The following CDYL2 variants were observed in gnomAD, a reference collection of about 807,000 sequenced individuals.
CDYL2 encodes the protein chromodomain Y-like protein 2.
CDYL2 carries 23 observed loss-of-function variants against 49.4 expected under a neutral mutation model. The ratio of observed to expected loss-of-function variants is 0.47; its 90% CI spans 0.34 to 0.66. CDYL2 has a LOEUF of 0.66. CDYL2 is among the 30% of genes least tolerant of loss of function. The pLI is 0.01. For synonymous variants in CDYL2, 360 were observed against 268.8 expected, an observed-to-expected ratio of 1.34 and a Z score of -3.32; for missense variants, 678 against 656.4, an observed-to-expected ratio of 1.03 and a Z score of -0.36.
intron 1 of CDYL2, among the ~76,000 whole-genome samples, chr16:80,739,669 C>CCACACCAGCCCATGGAACAAGA (rs779092249): frequency 1.6e-4 from 25 of 152,154 alleles, no homozygotes; most frequent in Non-Finnish European, 2.9e-4. Flanking sequence ...ACACCGCCAC[C>CCACACCAGCCCATGGAACAAGA]CACACCAGCC....
At chr16:80,764,741 C>T (rs1306371265) in intron 1 of CDYL2, among the ~76,000 whole-genome samples, 1 of 152,100 alleles carries the variant, frequency 6.6e-6, no homozygotes, top group East Asian at 1.9e-4. Context: ...TCTGGGTCAA[C>T]TGACTGATAA....
At chr16:80,712,183 CTG>C (rs1242735654) in intron 1 of CDYL2, among the ~76,000 whole-genome samples, 33 of 27,558 alleles carry the variant, frequency 1.2e-3, no homozygotes, top group African/African-American at 4.2e-3. Context: ...GTCTTTGTGT[CTG>C]TGTGTGTATA....
intron 2 of CDYL2, among the ~76,000 whole-genome samples, chr16:80,661,414 T>C (rs1909039632): frequency 1.3e-5 from 2 of 152,206 alleles, no homozygotes; most frequent in Non-Finnish European, 1.5e-5. Flanking sequence ...AACTATGCAA[T>C]ACTCACAAGT....
rs1906589443 is a variant in CDYL2, at chr16:80,763,149, A to C, written c.24+41001T>G. The stretch of plus-strand genomic sequence containing the variant: ...TGCCACTGCACTCCAGCAGGAACCT[A>C]ACTAATCCTGTATTCCCACCAGAAG... On this transcript the variant is annotated intron_variant, in intron 1 of 6. Transcript: ENST00000570137. Among the ~76,000 whole-genome samples, 12 of 150,306 alleles carry C rather than the reference A, an allele frequency of 8.0e-5. 1 individual carries two copies. The South Asian group carries it at 2.3e-3, about 29-fold the overall frequency.
intron 1 of CDYL2, among the ~76,000 whole-genome samples, chr16:80,760,128 G>A (rs1906475994): frequency 6.6e-6 from 1 of 152,182 alleles, no homozygotes; most frequent in South Asian, 2.1e-4. Flanking sequence ...TAGACTAGCA[G>A]GCTGCTTTCA....
chr16:80,744,259 T>A (rs927786593), intron 1 of CDYL2, among the ~76,000 whole-genome samples: 1 of 152,160 alleles, frequency 6.6e-6, no homozygotes, highest in Admixed American at 6.6e-5. Context: ...TGTGTACTGC[T>A]GACATCCTGC....
chr16:80,620,166 G>C (rs1184038423), intron 4 of CDYL2, among the ~76,000 whole-genome samples: 1 of 152,198 alleles, frequency 6.6e-6, no homozygotes, highest in Non-Finnish European at 1.5e-5. Context: ...TAAAGAATGG[G>C]GAAATAACTA....
intron 1 of CDYL2, among the ~76,000 whole-genome samples, chr16:80,724,228 A>AG (rs1386581410): frequency 6.8e-6 from 1 of 146,024 alleles, no homozygotes; most frequent in Non-Finnish European, 1.5e-5. Context: ...GAGGAAGAGG[A>AG]GGGGGAGAAA....
At chr16:80,649,406 T>C (rs1027758914) in intron 2 of CDYL2, among the ~76,000 whole-genome samples, 2 of 152,076 alleles carry the variant, frequency 1.3e-5, no homozygotes, top group Non-Finnish European at 2.9e-5. Context: ...TAAAATTAAA[T>C]ACCTAGGAAT....
intron 1 of CDYL2, among the ~76,000 whole-genome samples, chr16:80,798,539 A>G (rs1162691406): frequency 6.6e-6 from 1 of 152,214 alleles, no homozygotes; most frequent in Non-Finnish European, 1.5e-5. Flanking sequence ...TTCTTAATAA[A>G]ATTTTCTCCA....
At chr16:80,627,556 G>A (rs950665309) in intron 3 of CDYL2, 2 of 151,786 alleles carry the variant, frequency 1.3e-5, no homozygotes, top group Non-Finnish European at 2.9e-5. Context: ...TTTCCTTTTG[G>A]TGTTGCTAAT....
At chr16:80,685,743 C>T (rs1397086946) in intron 1 of CDYL2, among the ~76,000 whole-genome samples, 4 of 152,160 alleles carry the variant, frequency 2.6e-5, no homozygotes, top group South Asian at 2.1e-4. Flanking sequence ...AGTCAGAGAA[C>T]GAGGGCTCAG....
intron 1 of CDYL2, among the ~76,000 whole-genome samples, chr16:80,781,001 A>G (rs950860800): frequency 5.9e-5 from 9 of 152,180 alleles, no homozygotes; most frequent in African/African-American, 2.2e-4. Flanking sequence ...CATGACCGAT[A>G]CTCACTTTGT....
Position 80,684,754 on chromosome 16 carries a change from T to C in CDYL2, c.400A>G (p.Thr134Ala). The C allele has an allele frequency of 6.2e-7, 1 of 1,614,186 alleles. No homozygotes were observed. The highest frequency in any genetic ancestry group is 8.5e-7 in the Non-Finnish European group (1 of 1,180,036). Residue 134 changes from threonine to alanine, a missense_variant, in exon 2 of 7, where the codon ACG (threonine) becomes GCG (alanine). This residue lies in a region of CDYL2 where 478 missense variants were observed against 427.0 expected (regional missense o/e 1.12). Coordinates refer to ENST00000570137, the MANE Select transcript of CDYL2 (RefSeq NM_152342.4). ...PSSGGDRATKTVSYRTTPSGL... is the reference protein window; with the variant it reads ...PSSGGDRATKAVSYRTTPSGL... ...CTGGGGGTAGTCCTGTAAGACACCGTCTTGGTGGCCCTGTCACCTCCTGAA... is the reference window on the plus strand; with the variant it reads ...CTGGGGGTAGTCCTGTAAGACACCGCCTTGGTGGCCCTGTCACCTCCTGAA...
intron 2 of CDYL2, among the ~76,000 whole-genome samples, chr16:80,665,416 G>A (rs116408572): frequency 4.1e-4 from 61 of 150,520 alleles, no homozygotes; most frequent in African/African-American, 1.4e-3. Context: ...TGGCACACAC[G>A]AGGGCTCAAC....
At chr16:80,696,262 G>C (rs765250913) in intron 1 of CDYL2, among the ~76,000 whole-genome samples, 1 of 152,030 alleles carries the variant, frequency 6.6e-6, no homozygotes, top group Non-Finnish European at 1.5e-5. Context: ...TAAGAGAGAA[G>C]GTAATAGCAA....
chr16:80,780,505 C>A (rs537198672), intron 1 of CDYL2, among the ~76,000 whole-genome samples: 1 of 149,156 alleles, frequency 6.7e-6, no homozygotes, highest in Non-Finnish European at 1.5e-5. Flanking sequence ...CCCAGGTTCA[C>A]GCCATTCTCC....
chr16:80,676,227 C>T lies in CDYL2; in HGVS notation c.616+8311G>A, dbSNP rs114747561. 3.0e-3 allele frequency among the ~76,000 whole-genome samples: 463 copies of T among 152,218 alleles called. 1 individual carries two copies. The highest frequency in any genetic ancestry group is 0.011 in the African/African-American group (452 of 41,502). On this transcript the variant is annotated intron_variant, in intron 2 of 6. Coordinates refer to ENST00000570137, the MANE Select transcript of CDYL2 (RefSeq NM_152342.4). ...ATTAGCACACCTTCCTTACTTGCCA[C>T]CCTGTGAAAGACAAAAGATTAAAAA...
At chr16:80,709,479 CAATTTCGTCCAT>C (rs1567579951) in intron 1 of CDYL2, among the ~76,000 whole-genome samples, 2 of 151,610 alleles carry the variant, frequency 1.3e-5, no homozygotes, top group African/African-American at 4.9e-5. Context: ...TTCTTGTGCA[CAATTTCGTCCAT>C]GAGAAGCACT....
Sources: gnomAD v4.1 joint callset for allele counts (sites outside exome capture counted in the v4.1 genomes callset) on GRCh38, gnomAD v4.1.1 for gene constraint, gnomAD v4.1.1 regional missense constraint, MANE v1.5 for transcripts, NCBI Gene and HGNC (gene_info 2026-07-23, HGNC 2026-07-21) for gene names.